Variants in CGNL1 observed in about 807,000 individuals in gnomAD.
The protein encoded by CGNL1 is cingulin-like protein 1.
A neutral mutation model predicts 141.2 loss-of-function variants in CGNL1; 132 were observed. The ratio of observed to expected loss-of-function variants is 0.93; its 90% CI spans 0.81 to 1.08. The LOEUF (loss-of-function observed/expected upper bound fraction) is 1.08, where lower values mean the gene tolerates loss of function less well. Among genes scored for constraint, CGNL1 ranks in the 50% least tolerant of loss-of-function variants. The pLI is 0.00. For missense variants in CGNL1, 1,870 were observed against 1,588.6 expected, an observed-to-expected ratio of 1.18 and a Z score of -3.01; for synonymous variants, 690 against 622.1, an observed-to-expected ratio of 1.11 and a Z score of -1.63.
At chr15:57,533,960 G>A (rs1263760274) in intron 14 of CGNL1, among the ~76,000 whole-genome samples, 1 of 152,222 alleles carries the variant, frequency 6.6e-6, no homozygotes, top group African/African-American at 2.4e-5. Context: ...CCTGGCTCCT[G>A]CATTAGCCTC....
At chr15:57,382,227 A>G (rs1481761162) in intron 1 of CGNL1, among the ~76,000 whole-genome samples, 2 of 152,182 alleles carry the variant, frequency 1.3e-5, no homozygotes, top group South Asian at 2.1e-4. Flanking sequence ...ATAATTAGAG[A>G]TGAGTTTAAA....
chr15:57,442,309 A>G (rs1176197894), intron 3 of CGNL1, 64 bp from the exon 4 acceptor site: 1 of 974,934 alleles, frequency 1.0e-6, no homozygotes, highest in Non-Finnish European at 1.6e-6. Flanking sequence ...GTGTCATGAC[A>G]TATAAATTGT....
chr15:57,435,746 G>C (rs1174163014), intron 1 of CGNL1, among the ~76,000 whole-genome samples: 1 of 152,040 alleles, frequency 6.6e-6, no homozygotes, highest in Non-Finnish European at 1.5e-5. Context: ...CCCCAAGACA[G>C]AACAGAGAGA....
At chr15:57,541,645 C>T (rs1051063204) in intron 14 of CGNL1, among the ~76,000 whole-genome samples, 13 of 152,272 alleles carry the variant, frequency 8.5e-5, no homozygotes, top group South Asian at 2.1e-4. Flanking sequence ...CTTCTGTGCC[C>T]GGATGTTTAT....
intron 8 of CGNL1, among the ~76,000 whole-genome samples, chr15:57,496,990 C>T (rs1423846103): frequency 6.6e-6 from 1 of 152,204 alleles, no homozygotes; most frequent in Non-Finnish European, 1.5e-5. Context: ...ATGGCAGTTG[C>T]ATCCACGTTG....
At chr15:57,400,392 G>A (rs1249734040) in intron 1 of CGNL1, among the ~76,000 whole-genome samples, 2 of 152,106 alleles carry the variant, frequency 1.3e-5, no homozygotes, top group East Asian at 3.9e-4. Context: ...TTGGCTTTGG[G>A]CTAAGGATTG....
At chr15:57,459,821 A>G (rs2063423727) in intron 7 of CGNL1, among the ~76,000 whole-genome samples, 1 of 152,176 alleles carries the variant, frequency 6.6e-6, no homozygotes, top group Non-Finnish European at 1.5e-5. Flanking sequence ...AGCAAAGAAC[A>G]AAGGAAGAAG....
At chr15:57,538,293 C>T (rs540766164) in intron 14 of CGNL1, among the ~76,000 whole-genome samples, 1 of 152,316 alleles carries the variant, frequency 6.6e-6, no homozygotes, top group Admixed American at 6.5e-5. Context: ...ATTATGTTTG[C>T]CAAAAGCCTG....
At chr15:57,547,061 C>T (rs902146829) in intron 18 of CGNL1, among the ~76,000 whole-genome samples, 1 of 152,160 alleles carries the variant, frequency 6.6e-6, no homozygotes, top group East Asian at 1.9e-4. Flanking sequence ...GAACAAGATA[C>T]CAAAATTTTA....
intron 8 of CGNL1, among the ~76,000 whole-genome samples, chr15:57,468,075 G>A (rs1220042803): frequency 6.6e-6 from 1 of 152,106 alleles, no homozygotes; most frequent in East Asian, 1.9e-4. Context: ...GTTGGGGGAA[G>A]TCAGTGGGGT....
At chr15:57,519,794 A>G (rs1275184587) in intron 10 of CGNL1, among the ~76,000 whole-genome samples, 9 of 152,308 alleles carry the variant, frequency 5.9e-5, no homozygotes, top group South Asian at 2.1e-4. Context: ...TTTGTACTCT[A>G]TAGGGATAAA....
At chr15:57,471,692 G>A (rs1459307730) in intron 8 of CGNL1, among the ~76,000 whole-genome samples, 2 of 152,166 alleles carry the variant, frequency 1.3e-5, no homozygotes, top group Admixed American at 6.5e-5. Context: ...TCCCACCTGC[G>A]ATGAACAGTG....
intron 8 of CGNL1, among the ~76,000 whole-genome samples, chr15:57,469,251 G>A (rs1232695779): frequency 6.6e-6 from 1 of 151,764 alleles, no homozygotes; most frequent in East Asian, 1.9e-4. Flanking sequence ...AGCAGGCATC[G>A]TCTCTGGGTG....
chr15:57,543,799 G>A lies in CGNL1; in HGVS notation c.3375+20G>A, dbSNP rs749926093. The A allele has an allele frequency of 3.2e-6, 5 of 1,586,892 alleles. No individual in the cohort carries two copies. Among genetic ancestry groups the A allele is most frequent in the African/African-American group, 1.3e-5 (1 of 74,474 alleles). ...AGGCAGGTGAGGGCAGCCAGCCTGT[G>A]AGCTGCCCCCCCGTCCATCCGCTAA... On this transcript the variant is annotated intron_variant, in intron 15 of 18. Coordinates refer to ENST00000281282, the MANE Select transcript of CGNL1 (RefSeq NM_032866.5).
At chr15:57,487,366 C>A (rs1255479209) in intron 8 of CGNL1, among the ~76,000 whole-genome samples, 2 of 151,624 alleles carry the variant, frequency 1.3e-5, no homozygotes, top group Non-Finnish European at 2.9e-5. Flanking sequence ...TATACAGAGT[C>A]AAAAAAAGGT....
intron 1 of CGNL1, among the ~76,000 whole-genome samples, chr15:57,413,585 C>G (rs1283931560): frequency 6.6e-6 from 1 of 152,262 alleles, no homozygotes; most frequent in Non-Finnish European, 1.5e-5. Context: ...CATGCCCGGC[C>G]AGCATCTCAG....
At chr15:57,516,618 G>C (rs55809056) in intron 8 of CGNL1, among the ~76,000 whole-genome samples, 162 bp from the exon 9 acceptor site, 55,710 of 152,054 alleles carry the variant, frequency 0.37, 10,959 homozygotes, top group Middle Eastern at 0.47. Flanking sequence ...CAGGTGAGGG[G>C]CTGGGTTTGG....
In CGNL1 at chr15:57,547,713, G is replaced by A. The variant is rs1291633684; in HGVS notation, c.*223G>A. ...ATGTTGGGATGCCTGAGGACCAGGA[G>A]CCACCACCCACTGGGGTGTTGTGAG... On this transcript the variant is annotated 3_prime_UTR_variant, in exon 19 of 19. Coordinates refer to ENST00000281282, the MANE Select transcript of CGNL1 (RefSeq NM_032866.5). 6.0e-6 allele frequency: 3 copies of A among 503,498 alleles called. No individual in the cohort carries two copies. The highest frequency in any genetic ancestry group is 3.9e-5 in the African/African-American group (2 of 51,038). The allele number at this position is 503,498 out of a possible 1,614,324, so 31.2% of individuals were successfully genotyped here.
intron 8 of CGNL1, among the ~76,000 whole-genome samples, chr15:57,465,877 T>C (rs1485131712): frequency 6.6e-6 from 1 of 152,162 alleles, no homozygotes; most frequent in Non-Finnish European, 1.5e-5. Context: ...TGGTGAAAAA[T>C]GTCAAATTAT....
Sources: allele counts gnomAD v4.1 joint callset (sites outside exome capture counted in the v4.1 genomes callset), GRCh38; gene constraint gnomAD v4.1.1; transcripts MANE v1.5; gene names NCBI Gene and HGNC (gene_info 2026-07-23, HGNC 2026-07-21).